OSBPL3: variants seen among roughly 807,000 people sequenced by gnomAD.
OSBPL3 encodes the protein oxysterol-binding protein-related protein 3.
Under a neutral mutation model 120.1 loss-of-function variants are expected in OSBPL3, and 65 were observed. That is an observed-to-expected ratio of 0.54 (90% CI 0.44 to 0.67). The LOEUF (loss-of-function observed/expected upper bound fraction) is 0.67, where lower values mean the gene tolerates loss of function less well. Among genes scored for constraint, OSBPL3 ranks in the 30% least tolerant of loss-of-function variants. OSBPL3 has a pLI of 0.00. For synonymous variants in OSBPL3, 416 were observed against 402.6 expected (o/e 1.03, Z -0.40); for missense variants, 1,004 against 1,082.1 (o/e 0.93, Z 1.01).
At chr7:24,917,590 A>C (rs1305037366) in intron 1 of OSBPL3, among the ~76,000 whole-genome samples, 1 of 151,792 alleles carries the variant, frequency 6.6e-6, no homozygotes, top group Non-Finnish European at 1.5e-5. Context: ...TATGTTATGT[A>C]TCAGCAGACA....
rs769623316 is a variant in OSBPL3, at chr7:24,947,372, A to G, written c.-150+32514T>C. On this transcript the variant is annotated intron_variant, in intron 1 of 22. Transcript: ENST00000313367. This position sits in a 1 kb window ranked among gnomAD's most constrained non-coding sequence, Gnocchi z 4.4. ...CTCTTCCAGGTAGAGTTCAATGGCT[A>G]CAGAAGGAATCAGCTCACAGCATGT... is the stretch of plus-strand genomic sequence containing the variant. 1.3e-5 allele frequency among the ~76,000 whole-genome samples: 2 copies of G among 152,210 alleles called. No homozygotes were observed. The highest frequency in any genetic ancestry group is 4.1e-4 in the South Asian group (2 of 4,826).
Position 24,866,241 on chromosome 7 carries a change from T to C in OSBPL3, c.382-4A>G, listed in dbSNP as rs1801302087. On this transcript the variant is annotated splice_polypyrimidine_tract_variant and splice_region_variant and intron_variant, in intron 5 of 22. Transcript: ENST00000313367. ...CAAAGACTTCTTCTGACTTGACCTA[T>C]AATATATTCGATTGAAAAAAGGAAA... 1 of 1,598,240 alleles carries C rather than the reference T, an allele frequency of 6.3e-7. No individual in the cohort carries two copies. The highest frequency in any genetic ancestry group is 1.1e-5 in the South Asian group (1 of 90,736).
At chr7:24,977,393 C>A (rs1206190760) in intron 1 of OSBPL3, among the ~76,000 whole-genome samples, 1 of 152,192 alleles carries the variant, frequency 6.6e-6, no homozygotes, top group African/African-American at 2.4e-5. Context: ...TCACTGGATT[C>A]TATCATGAGT....
Position 24,842,416 on chromosome 7 carries a change from A to G in OSBPL3, c.1267-3T>C, listed in dbSNP as rs1490311132. ...CGGTTTTCATCTCTGGAGTTTTCCTATTTGAAGAACAAAACCAAAAATGTA... is the reference window on the plus strand; with the variant it reads ...CGGTTTTCATCTCTGGAGTTTTCCTGTTTGAAGAACAAAACCAAAAATGTA... On this transcript the variant is annotated splice_polypyrimidine_tract_variant and splice_region_variant and intron_variant, in intron 12 of 22. Transcript: ENST00000313367. 1.9e-6 allele frequency: 3 copies of G among 1,589,328 alleles called. No homozygotes were observed. Among genetic ancestry groups the G allele is most frequent in the Non-Finnish European group, 2.6e-6 (3 of 1,173,082 alleles).
At chr7:24,844,186 G>A (rs571796556) in intron 12 of OSBPL3, among the ~76,000 whole-genome samples, 1 of 152,316 alleles carries the variant, frequency 6.6e-6, no homozygotes, top group South Asian at 2.1e-4. Context: ...AACCCAGTCA[G>A]TTCAATTCAG....
chr7:24,956,752 A>T (rs1334026231), intron 1 of OSBPL3, among the ~76,000 whole-genome samples: 3 of 152,166 alleles, frequency 2.0e-5, no homozygotes, highest in Non-Finnish European at 4.4e-5. Flanking sequence ...TTTATTTTTC[A>T]ATGGAGATAT....
rs555797689 is a variant in OSBPL3, at chr7:24,872,446, A to AGTGT, written c.97-378_97-377insACAC. On this transcript the variant is annotated intron_variant, in intron 2 of 22. Transcript: ENST00000313367. This position sits in a 1 kb window ranked among gnomAD's most constrained non-coding sequence, Gnocchi z 4.1. ...CTTCAGTCTGAATTTTAACCGAAAG[A>AGTGT]GAGTGTGTGTGTGTGTGTGTGTGTG... Among the ~76,000 whole-genome samples the AGTGT allele has an allele frequency of 0.06, 5,011 of 83,196 alleles. 123 individuals carry two copies. Among genetic ancestry groups the AGTGT allele is most frequent in the South Asian group, 0.2 (413 of 2,112 alleles). The allele number at this position is 83,196 out of a possible 152,430, so 54.6% of individuals were successfully genotyped here.
At chr7:24,926,437 A>T (rs2128458611) in intron 1 of OSBPL3, among the ~76,000 whole-genome samples, 1 of 152,336 alleles carries the variant, frequency 6.6e-6, no homozygotes, top group East Asian at 1.9e-4. Context: ...AAAGCTTTCC[A>T]GATGATTGAA....
chr7:24,871,941 G>T lies in OSBPL3; in HGVS notation c.213+12C>A. 1 of 1,593,166 alleles carries T rather than the reference G, an allele frequency of 6.3e-7. No homozygotes were observed. Among genetic ancestry groups the T allele is most frequent in the South Asian group, 1.1e-5 (1 of 90,646 alleles). ...TGAGTGCAAATAAAGGGGAGGCCAA[G>T]ACCAACCTTACCTTATGCCAGCCTT... On this transcript the variant is annotated intron_variant, in intron 3 of 22. Coordinates refer to ENST00000313367, the MANE Select transcript of OSBPL3 (RefSeq NM_015550.4). The surrounding 1 kb of genome is among the most constrained non-coding windows in gnomAD (Gnocchi z 4.8).
chr7:24,923,690 G>A (rs867772171), intron 1 of OSBPL3, among the ~76,000 whole-genome samples: 2 of 152,326 alleles, frequency 1.3e-5, no homozygotes, highest in South Asian at 2.1e-4. Context: ...ACAGGGGCAG[G>A]CAAATAGAAA....
intron 20 of OSBPL3, 68 bp downstream of exon 20, chr7:24,809,739 T>C: frequency 1.4e-6 from 2 of 1,475,912 alleles, no homozygotes. Context: ...CTGTCCTCTG[T>C]GGCTTCTTGT....
chr7:24,896,890 G>A lies in OSBPL3; in HGVS notation c.-149-4269C>T, dbSNP rs1364453717. Reference sequence around the variant, plus strand: ...AGTTCAAGACCAGCCTGGCCAACATGGTAAAACCCCATCTCTACTAAAAAT... The same window carrying A: ...AGTTCAAGACCAGCCTGGCCAACATAGTAAAACCCCATCTCTACTAAAAAT... On this transcript the variant is annotated intron_variant, in intron 1 of 22. Coordinates refer to ENST00000313367, the MANE Select transcript of OSBPL3 (RefSeq NM_015550.4). The surrounding 1 kb of genome is among the most constrained non-coding windows in gnomAD (Gnocchi z 4.4). 2.6e-5 allele frequency among the ~76,000 whole-genome samples: 4 copies of A among 152,088 alleles called. No homozygotes were observed. Among genetic ancestry groups the A allele is most frequent in the African/African-American group, 9.7e-5 (4 of 41,406 alleles).
Position 24,830,205 on chromosome 7 carries a change from G to A in OSBPL3, c.1884+563C>T, listed in dbSNP as rs1216144229. ...TGAGTACAAGGTTGTGCATCCATCAGATGAGGGCAGGGACTCCTGTCCGGA... is the reference window on the plus strand; with the variant it reads ...TGAGTACAAGGTTGTGCATCCATCAAATGAGGGCAGGGACTCCTGTCCGGA... On this transcript the variant is annotated intron_variant, in intron 16 of 22. Coordinates refer to ENST00000313367, the MANE Select transcript of OSBPL3 (RefSeq NM_015550.4). This position sits in a 1 kb window ranked among gnomAD's most constrained non-coding sequence, Gnocchi z 4.4. Among the ~76,000 whole-genome samples the A allele has an allele frequency of 1.3e-5, 2 of 152,184 alleles. No homozygotes were observed. Among genetic ancestry groups the A allele is most frequent in the African/African-American group, 4.8e-5 (2 of 41,442 alleles).
rs1792962981 is a variant in OSBPL3, at chr7:24,805,832, A to T, written c.2444+944T>A. 6.6e-6 allele frequency among the ~76,000 whole-genome samples: 1 copy of T among 152,164 alleles called. No homozygotes were observed. Among genetic ancestry groups the T allele is most frequent in the African/African-American group, 2.4e-5 (1 of 41,426 alleles). ...TATGTCCATTTTTTCTAATGGGTTG[A>T]TCTGTTACTAGATTTCTAGAGGCAA... On this transcript the variant is annotated intron_variant, in intron 21 of 22. Coordinates refer to ENST00000313367, the MANE Select transcript of OSBPL3 (RefSeq NM_015550.4). This position sits in a 1 kb window ranked among gnomAD's most constrained non-coding sequence, Gnocchi z 4.0.
rs1198691688 is a variant in OSBPL3 at position 24,862,947 on chromosome 7, GC to G, written c.870+252del. 6.6e-6 allele frequency among the ~76,000 whole-genome samples: 1 copy of G among 152,218 alleles called. No homozygotes were observed. Among genetic ancestry groups the G allele is most frequent in the Non-Finnish European group, 1.5e-5 (1 of 68,032 alleles). On this transcript the variant is annotated intron_variant, in intron 9 of 22. Coordinates refer to ENST00000313367, the MANE Select transcript of OSBPL3 (RefSeq NM_015550.4). The surrounding 1 kb of genome is among the most constrained non-coding windows in gnomAD (Gnocchi z 4.4). Reference sequence around the variant, plus strand: ...GAAACCAAAAGCCCTAGAAATGGCAGCAGTCCCTGCGACCTCACACCCTTTT... The same window carrying G: ...GAAACCAAAAGCCCTAGAAATGGCAGAGTCCCTGCGACCTCACACCCTTTT...
At chr7:24,917,855 A>AAACAACAAAAGCAGC (rs1259202242) in intron 1 of OSBPL3, 2 of 152,702 alleles carry the variant, frequency 1.3e-5, no homozygotes, top group African/African-American at 4.8e-5. Context: ...CCCTGAAGTT[A>AAACAACAAAAGCAGC]AACAACAAAA....
chr7:24,900,855 C>T lies in OSBPL3; in HGVS notation c.-149-8234G>A, dbSNP rs540020001. On this transcript the variant is annotated intron_variant, in intron 1 of 22. Coordinates refer to ENST00000313367, the MANE Select transcript of OSBPL3 (RefSeq NM_015550.4). This position sits in a 1 kb window ranked among gnomAD's most constrained non-coding sequence, Gnocchi z 4.5. The stretch of plus-strand genomic sequence containing the variant: ...GTAAGTGCGGATTTTGCCATTGGCA[C>T]GAACCTAATACAAAAATTAGCTAGG... 1.1e-3 allele frequency among the ~76,000 whole-genome samples: 165 copies of T among 152,158 alleles called. No individual in the cohort carries two copies. Among genetic ancestry groups the T allele is most frequent in the Non-Finnish European group, 1.7e-3 (117 of 67,996 alleles).
At position 24,862,725 on chromosome 7, in the gene OSBPL3, A is replaced by C. The variant is rs1800746675; in HGVS notation, c.870+475T>G. On this transcript the variant is annotated intron_variant, in intron 9 of 22. Transcript: ENST00000313367. This position sits in a 1 kb window ranked among gnomAD's most constrained non-coding sequence, Gnocchi z 4.4. ...AGTGAATCCTGGATGAGGGATTGGG[A>C]GTTTGGAGATAAGAGGCCAAGGAGA... is the stretch of plus-strand genomic sequence containing the variant. 6.7e-6 allele frequency among the ~76,000 whole-genome samples: 1 copy of C among 150,116 alleles called. No individual in the cohort carries two copies. The highest frequency in any genetic ancestry group is 1.5e-5 in the Non-Finnish European group (1 of 67,314).
Position 24,928,340 on chromosome 7 carries a change from C to T in OSBPL3, c.-149-35719G>A, listed in dbSNP as rs151286789. On this transcript the variant is annotated intron_variant, in intron 1 of 22. Coordinates refer to ENST00000313367, the MANE Select transcript of OSBPL3 (RefSeq NM_015550.4). ...CCGAGTAGCTGGGACTATAGGCGCC[C>T]GCCACCACACCCGGCTACTTTTTTG... 6.5e-3 allele frequency among the ~76,000 whole-genome samples: 990 copies of T among 152,072 alleles called. 12 individuals are homozygous for T. The highest frequency in any genetic ancestry group is 0.022 in the African/African-American group (897 of 41,456).
Sources: gnomAD v4.1 joint callset for allele counts (sites outside exome capture counted in the v4.1 genomes callset) on GRCh38, gnomAD v4.1.1 for gene constraint, Gnocchi (gnomAD v3.1) non-coding constraint, MANE v1.5 for transcripts, NCBI Gene and HGNC (gene_info 2026-07-23, HGNC 2026-07-21) for gene names.